CSMD1: variants seen among roughly 807,000 people sequenced by gnomAD.
CSMD1 encodes CUB and sushi domain-containing protein 1.
A neutral mutation model predicts 417.5 loss-of-function variants in CSMD1; 213 were observed. The observed-to-expected ratio is 0.51, with a 90% CI of 0.46 to 0.57. The LOEUF (loss-of-function observed/expected upper bound fraction) is 0.57, where lower values mean the gene tolerates loss of function less well. Ranked by LOEUF, CSMD1 falls within the 20% of genes least tolerant of loss-of-function variation. CSMD1 has a pLI of 0.00. For synonymous variants in CSMD1, 2,862 were observed against 1,736.8 expected (o/e 1.65, Z -16.11); for missense variants, 6,923 against 4,529.7 (o/e 1.53, Z -15.17).
intron 3 of CSMD1, among the ~76,000 whole-genome samples, chr8:4,162,586 T>C (rs1350019491): frequency 6.6e-6 from 1 of 152,180 alleles, no homozygotes; most frequent in South Asian, 2.1e-4. Context: ...ATATAGATTT[T>C]ATATTTTAAG....
intron 5 of CSMD1, among the ~76,000 whole-genome samples, chr8:3,829,895 T>A (rs568247644): frequency 3.3e-5 from 5 of 152,150 alleles, no homozygotes; most frequent in African/African-American, 1.2e-4. Flanking sequence ...TCTATCTACA[T>A]AGATCTATTG....
intron 3 of CSMD1, among the ~76,000 whole-genome samples, chr8:4,394,497 G>C (rs889808319): frequency 1.3e-5 from 2 of 152,082 alleles, no homozygotes; most frequent in African/African-American, 4.8e-5. Context: ...AATACCTCTG[G>C]GTGTGAATGA....
rs1208787336 is a variant in CSMD1, at chr8:4,364,600, G to GGA, written c.415+55351_415+55352dup. Reference sequence around the variant, plus strand: ...AGCACTTTGGGAGGCCGAGGCGGGCGGATCACGAGGTCAGGAGATCGAGAC... The same window carrying GGA: ...AGCACTTTGGGAGGCCGAGGCGGGCGGAGATCACGAGGTCAGGAGATCGAGAC... On this transcript the variant is annotated intron_variant, in intron 3 of 69. Transcript: ENST00000635120. Among the ~76,000 whole-genome samples the GGA allele has an allele frequency of 2.3e-4, 4 of 17,334 alleles. 2 individuals are homozygous for GGA. The African/African-American group carries it at 3.9e-3, about 17-fold the overall frequency. The allele number at this position is 17,334 out of a possible 152,430, so 11.4% of individuals were successfully genotyped here.
intron 2 of CSMD1, among the ~76,000 whole-genome samples, chr8:4,554,277 C>G (rs1797997050): frequency 6.6e-6 from 1 of 152,086 alleles, no homozygotes; most frequent in African/African-American, 2.4e-5. Context: ...GCTGAGACTA[C>G]AGGCATGCGT....
chr8:3,747,019 T>C, intron 6 of CSMD1, among the ~76,000 whole-genome samples: 1 of 152,216 alleles, frequency 6.6e-6, no homozygotes, highest in East Asian at 1.9e-4. Context: ...AGGAATTTTA[T>C]TTCATAAAAA....
rs942464026 is a variant in CSMD1 at position 3,503,168 on chromosome 8, G to C, written c.1345-9442C>G. 7.9e-5 allele frequency among the ~76,000 whole-genome samples: 12 copies of C among 152,092 alleles called. 1 individual carries two copies. The highest frequency in any genetic ancestry group is 1.6e-4 in the Non-Finnish European group (11 of 68,010). On this transcript the variant is annotated intron_variant, in intron 10 of 69. Coordinates refer to ENST00000635120, the MANE Select transcript of CSMD1 (RefSeq NM_033225.6). Reference sequence around the variant, plus strand: ...ATTACAAAGACTGAATTTCAACCTAGAAAAAAGTACTTTGAACACACACAC... The same window carrying C: ...ATTACAAAGACTGAATTTCAACCTACAAAAAAGTACTTTGAACACACACAC...
chr8:3,694,035 T>C (rs959021632), intron 7 of CSMD1, among the ~76,000 whole-genome samples: 3 of 148,862 alleles, frequency 2.0e-5, no homozygotes, highest in Non-Finnish European at 1.5e-5. Flanking sequence ...TGTGTGTGTG[T>C]TGGGTATGTG....
rs147795407 is a variant in CSMD1, at chr8:4,253,907, C to CT, written c.415+166045dup. 6.5e-3 allele frequency among the ~76,000 whole-genome samples: 526 copies of CT among 80,964 alleles called. 30 individuals carry two copies. The highest frequency in any genetic ancestry group is 0.021 in the African/African-American group (486 of 23,024). The allele number at this position is 80,964 out of a possible 152,430, so 53.1% of individuals were successfully genotyped here. On this transcript the variant is annotated intron_variant, in intron 3 of 69. Transcript: ENST00000635120. ...CACTACGTTCGTTATTTCCTTCCAT[C>CT]TTTTTTTTTTTTTTTTTTTTTTTTT...
At chr8:3,690,807 C>G (rs2624075) in intron 7 of CSMD1, among the ~76,000 whole-genome samples, 1 of 152,198 alleles carries the variant, frequency 6.6e-6, no homozygotes, top group Non-Finnish European at 1.5e-5. Flanking sequence ...TAGTCATATT[C>G]TAATTTTCTA....
At chr8:3,625,578 GTTTATAGTAATTTATT>G (rs577788670) in intron 7 of CSMD1, among the ~76,000 whole-genome samples, 49 of 151,984 alleles carry the variant, frequency 3.2e-4, no homozygotes, top group African/African-American at 1.1e-3. Context: ...CTCTCTTTTA[GTTTATAGTAATTTATT>G]TTTAAAAAAT....
chr8:3,721,961 C>A (rs976619966), intron 6 of CSMD1, among the ~76,000 whole-genome samples: 2 of 152,126 alleles, frequency 1.3e-5, no homozygotes, highest in Admixed American at 6.6e-5. Context: ...CGTCCTCATC[C>A]CTCACCTCCT....
At chr8:3,658,176 T>C (rs1463228312) in intron 7 of CSMD1, among the ~76,000 whole-genome samples, 1 of 152,160 alleles carries the variant, frequency 6.6e-6, no homozygotes, top group African/African-American at 2.4e-5. Context: ...CTCCAGAAGA[T>C]ACAATTTTCT....
At chr8:4,420,720 A>G (rs1011848621) in intron 2 of CSMD1, among the ~76,000 whole-genome samples, 5 of 152,134 alleles carry the variant, frequency 3.3e-5, no homozygotes, top group Middle Eastern at 3.2e-3. Context: ...GCCCCGTGCA[A>G]TAGGCTGTGA....
chr8:4,088,857 C>T (rs1409117961), intron 3 of CSMD1, among the ~76,000 whole-genome samples: 1 of 152,116 alleles, frequency 6.6e-6, no homozygotes, highest in African/African-American at 2.4e-5. Flanking sequence ...TCCTGGTTTC[C>T]ATGACACCGC....
At chr8:4,490,792 A>G (rs1004932618) in intron 2 of CSMD1, among the ~76,000 whole-genome samples, 1 of 152,230 alleles carries the variant, frequency 6.6e-6, no homozygotes, top group Non-Finnish European at 1.5e-5. Flanking sequence ...ATATTAATTC[A>G]GTTCTAGGTG....
chr8:4,335,108 C>A (rs1242503913), intron 3 of CSMD1, among the ~76,000 whole-genome samples: 2 of 152,164 alleles, frequency 1.3e-5, no homozygotes, highest in South Asian at 4.2e-4. Context: ...CACAATGTTG[C>A]CCAGATTGAT....
At chr8:4,030,837 G>A (rs1032121481) in intron 4 of CSMD1, among the ~76,000 whole-genome samples, 1 of 152,114 alleles carries the variant, frequency 6.6e-6, no homozygotes, top group Non-Finnish European at 1.5e-5. Flanking sequence ...CCTCTTGAAT[G>A]CTTTGCTGCT....
Position 4,031,957 on chromosome 8 carries a change from G to C in CSMD1, c.558C>G (p.Ile186Met), listed in dbSNP as rs374951684. The C allele has an allele frequency of 6.2e-7, 1 of 1,613,842 alleles. No individual in the cohort carries two copies. Among genetic ancestry groups the C allele is most frequent in the Non-Finnish European group, 8.5e-7 (1 of 1,179,890 alleles). Residue 186 changes from isoleucine (I) to methionine (M), a missense_variant, in exon 4 of 70, where the codon ATC becomes ATG. Coordinates refer to ENST00000635120, the MANE Select transcript of CSMD1 (RefSeq NM_033225.6). The part of the protein sequence containing the change: ...ILEGHAILTC[I>M]VSPGNGASWD... ...ACGATGCACCATTTCCTGGGCTGAC[G>C]ATGCAGGTCAGGATGGCGTGGCCTT...
intron 3 of CSMD1, among the ~76,000 whole-genome samples, chr8:4,158,623 T>A (rs542489140): frequency 3.9e-5 from 6 of 152,220 alleles, no homozygotes; most frequent in Non-Finnish European, 5.9e-5. Context: ...AAATGATAAT[T>A]TTCACAGTGG....
Sources: gnomAD v4.1 joint callset for allele counts (sites outside exome capture counted in the v4.1 genomes callset) on GRCh38, gnomAD v4.1.1 for gene constraint, MANE v1.5 for transcripts, NCBI Gene and HGNC (gene_info 2026-07-23, HGNC 2026-07-21) for gene names.